BCKDHB: variants seen among roughly 807,000 people sequenced by gnomAD.
BCKDHB encodes 2-oxoisovalerate dehydrogenase subunit beta, mitochondrial.
Under a neutral mutation model 48.5 loss-of-function variants are expected in BCKDHB, and 41 were observed. The ratio of observed to expected loss-of-function variants is 0.85; its 90% confidence interval spans 0.66 to 1.10. The LOEUF is 1.10. BCKDHB is among the 50% of genes least tolerant of loss of function. The probability of loss-of-function intolerance (pLI) is 0.00; values close to 1 mark genes in which losing one functional copy is unlikely to be tolerated. For missense variants in BCKDHB, 496 were observed against 494.2 expected, an observed-to-expected ratio of 1.00 and a Z score of -0.03; for synonymous variants, 201 against 174.8, an observed-to-expected ratio of 1.15 and a Z score of -1.18.
chr6:80,148,939 C>T (rs569752102), intron 3 of BCKDHB, among the ~76,000 whole-genome samples: 1 of 152,250 alleles, frequency 6.6e-6, no homozygotes, highest in East Asian at 1.9e-4. Context: ...ACACCAAAAT[C>T]AATGGCAACA....
At chr6:80,410,047 G>A in the BCKDHB span, among the ~76,000 whole-genome samples, 1 of 152,010 alleles carries the variant, frequency 6.6e-6, no homozygotes, top group East Asian at 1.9e-4. Flanking sequence ...AGCATCAATG[G>A]CCTTTACAAT....
At chr6:80,294,763 AC>A (rs1453357221) in intron 9 of BCKDHB, among the ~76,000 whole-genome samples, 1 of 151,978 alleles carries the variant, frequency 6.6e-6, no homozygotes, top group African/African-American at 2.4e-5. Context: ...CTGCTCTCAA[AC>A]CCTGTTTTCT....
At chr6:80,211,542 C>T (rs1446757823) in intron 8 of BCKDHB, among the ~76,000 whole-genome samples, 1 of 152,152 alleles carries the variant, frequency 6.6e-6, no homozygotes, top group South Asian at 2.1e-4. Context: ...CATGTTCCTT[C>T]TAGTTTCAAA....
chr6:80,217,276 G>C (rs1020527406), intron 8 of BCKDHB, among the ~76,000 whole-genome samples: 1 of 151,694 alleles, frequency 6.6e-6, no homozygotes, highest in Non-Finnish European at 1.5e-5. Context: ...ACAAAACTGG[G>C]GCTACTCTTA....
the BCKDHB span, among the ~76,000 whole-genome samples, chr6:80,393,874 G>A: frequency 3.3e-5 from 5 of 152,092 alleles, no homozygotes; most frequent in Non-Finnish European, 5.9e-5. Flanking sequence ...TTTTCCAGGT[G>A]CTTCCTGAGA....
the BCKDHB span, among the ~76,000 whole-genome samples, chr6:80,436,772 A>C: frequency 6.6e-6 from 1 of 152,202 alleles, no homozygotes; most frequent in Non-Finnish European, 1.5e-5. Context: ...TCTTTCCGTA[A>C]ATCCATGTAG....
chr6:80,365,901 G>T, the BCKDHB span, among the ~76,000 whole-genome samples: 71,474 of 152,042 alleles, frequency 0.47, 18,240 homozygotes, highest in Non-Finnish European at 0.59. Context: ...TTGGGCCCAG[G>T]AATTAGTCCT....
At chr6:80,357,911 T>G in the BCKDHB span, among the ~76,000 whole-genome samples, 1 of 152,226 alleles carries the variant, frequency 6.6e-6, no homozygotes. Flanking sequence ...CTTCTTGCAC[T>G]TTGTTGGAGC....
chr6:80,248,755 C>A (rs1776715188), intron 8 of BCKDHB, among the ~76,000 whole-genome samples: 1 of 152,006 alleles, frequency 6.6e-6, no homozygotes, highest in African/African-American at 2.4e-5. Context: ...AGTGGCAGAT[C>A]TAGGTATCAT....
the BCKDHB span, among the ~76,000 whole-genome samples, chr6:80,386,944 A>G: frequency 6.6e-6 from 1 of 152,158 alleles, no homozygotes; most frequent in Non-Finnish European, 1.5e-5. Context: ...GGACCCCACT[A>G]CATTACCGAC....
intron 6 of BCKDHB, among the ~76,000 whole-genome samples, chr6:80,194,291 G>A (rs1258188222): frequency 1.3e-5 from 2 of 152,144 alleles, no homozygotes; most frequent in African/African-American, 2.4e-5. Context: ...TGCAAAAATA[G>A]TATGAAGAAT....
intron 8 of BCKDHB, among the ~76,000 whole-genome samples, chr6:80,267,809 TTTTA>T (rs1468193041): frequency 9.2e-5 from 14 of 152,052 alleles, no homozygotes; most frequent in African/African-American, 3.4e-4. Context: ...TTCCCAAATG[TTTTA>T]TTTCTTTGTC....
chr6:80,212,553 C>T (rs1036971007), intron 8 of BCKDHB, among the ~76,000 whole-genome samples: 3 of 152,134 alleles, frequency 2.0e-5, no homozygotes, highest in South Asian at 4.1e-4. Context: ...TGTTCAAACA[C>T]ACATGTTTTA....
At chr6:80,421,030 GC>G in the BCKDHB span, among the ~76,000 whole-genome samples, 1 of 152,088 alleles carries the variant, frequency 6.6e-6, no homozygotes, top group Non-Finnish European at 1.5e-5. Flanking sequence ...AAACTCTGGG[GC>G]TCTGATATGG....
the BCKDHB span, among the ~76,000 whole-genome samples, chr6:80,396,342 C>T: frequency 1.3e-5 from 2 of 152,188 alleles, no homozygotes; most frequent in African/African-American, 4.8e-5. Flanking sequence ...TACCTCTATC[C>T]TCATTATATC....
At chr6:80,138,645 A>G (rs1430520268) in intron 3 of BCKDHB, among the ~76,000 whole-genome samples, 1 of 152,170 alleles carries the variant, frequency 6.6e-6, no homozygotes, top group East Asian at 1.9e-4. Flanking sequence ...ATGGCTGCAT[A>G]GTATTCCTTG....
chr6:80,244,475 C>T (rs910976585), intron 8 of BCKDHB, among the ~76,000 whole-genome samples: 2 of 152,122 alleles, frequency 1.3e-5, no homozygotes, highest in African/African-American at 4.8e-5. Flanking sequence ...AAAAATAACA[C>T]AGTTAAAATT....
chr6:80,124,925 A>G (rs1770261207), intron 1 of BCKDHB, among the ~76,000 whole-genome samples: 1 of 152,190 alleles, frequency 6.6e-6, no homozygotes, highest in East Asian at 1.9e-4. Context: ...ATGGTGAATG[A>G]ACATTGGCTT....
intron 3 of BCKDHB, among the ~76,000 whole-genome samples, chr6:80,166,515 G>A (rs925806187): frequency 6.6e-6 from 1 of 151,980 alleles, no homozygotes; most frequent in South Asian, 2.1e-4. Flanking sequence ...AATTAGCTGG[G>A]TGTAGTGGTG....
Sources: gnomAD v4.1 joint callset for allele counts (sites outside exome capture counted in the v4.1 genomes callset) on GRCh38, gnomAD v4.1.1 for gene constraint, MANE v1.5 for transcripts, NCBI Gene and HGNC (gene_info 2026-07-23, HGNC 2026-07-21) for gene names.